The following TMEM223 variants were observed in gnomAD, a reference collection of about 807,000 sequenced individuals.
TMEM223 encodes transmembrane protein 223.
TMEM223 carries 14 observed loss-of-function variants against 14.1 expected under a neutral mutation model. The observed-to-expected ratio is 0.99, with a 90% confidence interval of 0.66 to 1.55. The LOEUF (loss-of-function observed/expected upper bound fraction) is 1.55, where lower values mean the gene tolerates loss of function less well. Ranked by LOEUF, TMEM223 falls within the 40% of genes most tolerant of loss-of-function variation. TMEM223 has a pLI of 0.00. For synonymous variants in TMEM223, 145 were observed against 120.5 expected, an observed-to-expected ratio of 1.20 and a Z score of -1.33; for missense variants, 346 against 269.9, an observed-to-expected ratio of 1.28 and a Z score of -1.97.
At chr11:62,786,644 C>T (rs762355096), downstream of TMEM223, 7 of 1,603,644 alleles carry the variant, frequency 4.4e-6, no homozygotes, top group African/African-American at 2.7e-5. Context: ...CAAGAGTCGT[C>T]CTCCGGGGGC....
downstream of TMEM223, among the ~76,000 whole-genome samples, chr11:62,783,505 T>A (rs2084246196): frequency 2.0e-5 from 3 of 150,826 alleles, no homozygotes; most frequent in Admixed American, 6.6e-5. Flanking sequence ...AGTTAGGTGT[T>A]GCCACTGTGA....
chr11:62,784,541 C>T (rs1372065743), downstream of TMEM223, among the ~76,000 whole-genome samples: 1 of 152,024 alleles, frequency 6.6e-6, no homozygotes, highest in Non-Finnish European at 1.5e-5. Context: ...CTCCTGGCCT[C>T]ATGATCCGCC....
intron 1 of TMEM223, among the ~76,000 whole-genome samples, chr11:62,776,682 C>G (rs1009176173): frequency 1.3e-5 from 2 of 152,046 alleles, no homozygotes; most frequent in Non-Finnish European, 2.9e-5. Context: ...GAAACCCCTT[C>G]TTTACTAAAA....
At chr11:62,782,196 C>T (rs1334936235) in intron 1 of TMEM223, 2 of 1,614,138 alleles carry the variant, frequency 1.2e-6, no homozygotes, top group East Asian at 2.2e-5. Context: ...CGCACCTGTG[C>T]TTGGGGCCCT....
At chr11:62,775,264 A>G (rs944204783) in intron 1 of TMEM223, among the ~76,000 whole-genome samples, 9 of 152,090 alleles carry the variant, frequency 5.9e-5, no homozygotes, top group African/African-American at 2.2e-4. Context: ...TCTTTTGAGA[A>G]CTCACTATCA....
chr11:62,787,395 T>G (rs1265021847), downstream of TMEM223: 3 of 1,555,820 alleles, frequency 1.9e-6, no homozygotes, highest in African/African-American at 4.1e-5. Flanking sequence ...TTGGGCGGGG[T>G]GCTGCTGCAG....
Position 62,790,393 on chromosome 11 carries a change from T to C in TMEM223, c.*230A>G, listed in dbSNP as rs2084346331. 3.5e-6 allele frequency: 2 copies of C among 568,392 alleles called. No homozygotes were observed. Among genetic ancestry groups the C allele is most frequent in the Non-Finnish European group, 6.1e-6 (2 of 326,742 alleles). 35.2% of individuals were successfully genotyped at this position (568,392 alleles called of 1,614,324 possible). ...TTGTTGTTAATGAATCTTGACCTCC[T>C]TGTGTGACCCTGGTTGTTACTCCAT... On this transcript the variant is annotated 3_prime_UTR_variant, in exon 2 of 2. Coordinates refer to ENST00000307366, the MANE Select transcript of TMEM223 (RefSeq NM_001080501.3).
chr11:62,789,679 A>AGT, downstream of TMEM223: 1 of 1,541,196 alleles, frequency 6.5e-7, no homozygotes, highest in Non-Finnish European at 8.7e-7. Flanking sequence ...ACAATGCTGA[A>AGT]GTGAGACCCA....
At chr11:62,782,316 G>A (rs764974653) in intron 1 of TMEM223, 1 of 1,613,656 alleles carries the variant, frequency 6.2e-7, no homozygotes, top group South Asian at 1.1e-5. Context: ...CTGCCCTCCT[G>A]CTCAGCCACA....
chr11:62,774,911 T>G (rs12575886), intron 1 of TMEM223, among the ~76,000 whole-genome samples: 2 of 145,656 alleles, frequency 1.4e-5, no homozygotes, highest in Non-Finnish European at 3.0e-5. Flanking sequence ...AAAAAAAAAA[T>G]TTAGCCATCC....
At chr11:62,788,675 G>GT (rs2084320090), downstream of TMEM223, among the ~76,000 whole-genome samples, 1 of 59,836 alleles carries the variant, frequency 1.7e-5, no homozygotes, top group East Asian at 4.1e-4. Context: ...CTGCACTCCA[G>GT]CAAAAAAAAA....
chr11:62,781,379 A>G (rs965752405), intron 1 of TMEM223, among the ~76,000 whole-genome samples: 2 of 152,074 alleles, frequency 1.3e-5, no homozygotes, highest in African/African-American at 2.4e-5. Flanking sequence ...TTTCTCAGTT[A>G]AAAATGTTGG....
chr11:62,777,900 C>T, intron 1 of TMEM223: 2 of 1,531,366 alleles, frequency 1.3e-6, no homozygotes, highest in Non-Finnish European at 1.8e-6. Context: ...CTGCTCTGGT[C>T]AGTGGAGCCT....
chr11:62,788,231 T>C (rs1158554015), downstream of TMEM223, among the ~76,000 whole-genome samples: 2 of 151,690 alleles, frequency 1.3e-5, no homozygotes, highest in African/African-American at 2.4e-5. Context: ...GGCAAAACTC[T>C]GTCTCTACTA....
At chr11:62,784,180 G>C (rs2084252711), downstream of TMEM223, among the ~76,000 whole-genome samples, 1 of 149,224 alleles carries the variant, frequency 6.7e-6, no homozygotes, top group Non-Finnish European at 1.5e-5. Context: ...AGTAGAGACG[G>C]GGTTTCACAA....
chr11:62,786,972 G>T (rs1189121206), downstream of TMEM223: 2 of 1,447,438 alleles, frequency 1.4e-6, no homozygotes, highest in Non-Finnish European at 1.8e-6. Flanking sequence ...CGGCCTCTGG[G>T]CCCGCCGCCT....
intron 1 of TMEM223, among the ~76,000 whole-genome samples, chr11:62,775,201 G>C (rs982029337): frequency 6.6e-6 from 1 of 152,194 alleles, no homozygotes; most frequent in African/African-American, 2.4e-5. Flanking sequence ...TGTGGCTGCA[G>C]CTAGGAGAAG....
intron 1 of TMEM223, among the ~76,000 whole-genome samples, chr11:62,779,974 A>T (rs185492130): frequency 0.012 from 929 of 74,696 alleles, 23 homozygotes; most frequent in African/African-American, 0.043. Flanking sequence ...ATATATATAT[A>T]TATTTTTTTT....
intron 1 of TMEM223, chr11:62,775,703 G>T: frequency 3.3e-6 from 5 of 1,511,836 alleles, no homozygotes; most frequent in Non-Finnish European, 4.4e-6. Flanking sequence ...TGTGGAGGGT[G>T]TTGGATCACA....
Sources: gnomAD v4.1 joint callset for allele counts (sites outside exome capture counted in the v4.1 genomes callset) on GRCh38, gnomAD v4.1.1 for gene constraint, MANE v1.5 for transcripts, NCBI Gene and HGNC (gene_info 2026-07-23, HGNC 2026-07-21) for gene names.